Variants in NCOA1 observed in about 807,000 individuals in gnomAD.
The protein encoded by NCOA1 is nuclear receptor coactivator 1.
In NCOA1, 35 loss-of-function variants were observed where a neutral mutation model predicts 150.9. The observed-to-expected ratio is 0.23, with a 90% CI of 0.18 to 0.31. NCOA1 has a LOEUF of 0.31. Ranked by LOEUF, NCOA1 falls within the 10% of genes least tolerant of loss-of-function variation. The pLI is 1.00. For missense variants in NCOA1, 1,491 were observed against 1,749.3 expected (o/e 0.85, Z 2.63); for synonymous variants, 590 against 630.0 (o/e 0.94, Z 0.95).
intron 14 of NCOA1, 144 bp downstream of exon 14, chr2:24,711,255 T>G (rs758434341): frequency 2.6e-6 from 2 of 762,674 alleles, no homozygotes; most frequent in Non-Finnish European, 3.9e-6. Flanking sequence ...AAAACAGTTA[T>G]ATTTAGGCAT....
At chr2:24,752,573 A>T (rs1282128336) in intron 20 of NCOA1, among the ~76,000 whole-genome samples, 3 of 152,232 alleles carry the variant, frequency 2.0e-5, no homozygotes, top group Non-Finnish European at 4.4e-5. Context: ...TAACCTGAGC[A>T]CACCTGCAGA....
At chr2:24,687,431 A>G (rs1443622197) in intron 8 of NCOA1, among the ~76,000 whole-genome samples, 2 of 151,770 alleles carry the variant, frequency 1.3e-5, no homozygotes, top group African/African-American at 2.4e-5. Flanking sequence ...AACTCATGTC[A>G]TGGGGGTTTG....
intron 3 of NCOA1, among the ~76,000 whole-genome samples, chr2:24,590,915 C>T (rs1321745773): frequency 6.6e-6 from 1 of 152,116 alleles, no homozygotes; most frequent in Admixed American, 6.5e-5. Context: ...TCTCTTCTCA[C>T]TGAATTATAA....
At chr2:24,574,726 A>G (rs1666882426) in intron 2 of NCOA1, among the ~76,000 whole-genome samples, 3 of 152,078 alleles carry the variant, frequency 2.0e-5, no homozygotes, top group South Asian at 2.1e-4. Context: ...GTCTGAAAAC[A>G]TTTCCACCTT....
intron 3 of NCOA1, among the ~76,000 whole-genome samples, chr2:24,640,317 G>GTAC (rs1365672928): frequency 6.6e-6 from 1 of 152,056 alleles, no homozygotes; most frequent in African/African-American, 2.4e-5. Context: ...TGTTCTACGA[G>GTAC]TGTTCATTTA....
chr2:24,625,454 T>C (rs1490172184), intron 3 of NCOA1, among the ~76,000 whole-genome samples: 1 of 152,154 alleles, frequency 6.6e-6, no homozygotes, highest in African/African-American at 2.4e-5. Flanking sequence ...GTTGATCTTT[T>C]CAAGGAACTA....
At chr2:24,547,988 C>CAA (rs34669959) in intron 1 of NCOA1, among the ~76,000 whole-genome samples, 2,117 of 74,370 alleles carry the variant, frequency 0.028, 81 homozygotes, top group African/African-American at 0.053. Flanking sequence ...GACTCTGTCT[C>CAA]AAAAAAAAAA....
In NCOA1 at chr2:24,706,656, C is replaced by G. The variant is rs150409799; in HGVS notation, c.1186C>G (p.Pro396Ala). 4.3e-6 allele frequency: 7 copies of G among 1,614,222 alleles called. No homozygotes were observed. Among genetic ancestry groups the G allele is most frequent in the African/African-American group, 1.3e-5 (1 of 75,048 alleles). The change falls in exon 13 of 23, where the codon CCA (proline) becomes GCA (alanine). Residue 396 changes from proline to alanine, a missense_variant. Pro to Ala is a conservative substitution (Grantham distance 27). Transcript: ENST00000348332. ...VNPSVNPSIS[P>A]AHGVARSSTL... is the part of the protein sequence containing the mutation. ...TCCCTCGGTCAATCCTAGTATCTCTCCAGCTCATGGTGTGGCTCGTTCATC... is the reference window on the plus strand; with the variant it reads ...TCCCTCGGTCAATCCTAGTATCTCTGCAGCTCATGGTGTGGCTCGTTCATC...
At chr2:24,689,975 C>T (rs191711784) in intron 8 of NCOA1, among the ~76,000 whole-genome samples, 3 of 152,220 alleles carry the variant, frequency 2.0e-5, no homozygotes, top group East Asian at 3.9e-4. Flanking sequence ...CCACATTGTT[C>T]CCCCAACAGA....
At position 24,736,836 on chromosome 2, in the gene NCOA1, T is replaced by C. The variant is rs377241432; in HGVS notation, c.3202-2596T>C. 6.6e-5 allele frequency among the ~76,000 whole-genome samples: 10 copies of C among 152,304 alleles called. No individual in the cohort carries two copies. The South Asian group carries it at 2.1e-3, about 32-fold the overall frequency. On this transcript the variant is annotated intron_variant, in intron 17 of 22. Transcript: ENST00000348332. Reference sequence around the variant, plus strand: ...GTGTCAGCGAAAATGTCTTCAGATATTGCCAGATGTCCCTTGTTTGGCAGA... The same window carrying C: ...GTGTCAGCGAAAATGTCTTCAGATACTGCCAGATGTCCCTTGTTTGGCAGA...
At chr2:24,571,700 G>A (rs1666750762) in intron 2 of NCOA1, among the ~76,000 whole-genome samples, 1 of 152,102 alleles carries the variant, frequency 6.6e-6, no homozygotes. Flanking sequence ...CAGTTTTTAT[G>A]TATAATTTTG....
intron 2 of NCOA1, among the ~76,000 whole-genome samples, chr2:24,566,618 C>T (rs565311800): frequency 2.2e-4 from 34 of 152,334 alleles, no homozygotes; most frequent in East Asian, 1.5e-3. Context: ...AAGCCTTCTC[C>T]GGTTTGAAGG....
chr2:24,699,443 C>T (rs1285930300), intron 11 of NCOA1, among the ~76,000 whole-genome samples: 1 of 152,046 alleles, frequency 6.6e-6, no homozygotes, highest in Non-Finnish European at 1.5e-5. Context: ...TTATAAGTAA[C>T]TAGTTTGTCA....
intron 4 of NCOA1, among the ~76,000 whole-genome samples, chr2:24,651,417 G>C (rs1460208811): frequency 6.6e-6 from 1 of 152,062 alleles, no homozygotes; most frequent in Non-Finnish European, 1.5e-5. Context: ...AGGTGAGCCT[G>C]GAGGACATTT....
At position 24,737,110 on chromosome 2, in the gene NCOA1, TCTC is replaced by T. The variant is rs947103429; in HGVS notation, c.3202-2317_3202-2315del. Among the ~76,000 whole-genome samples the T allele has an allele frequency of 6.0e-4, 92 of 152,286 alleles. 1 individual carries two copies. The highest frequency in any genetic ancestry group is 2.1e-3 in the African/African-American group (88 of 41,552). The stretch of plus-strand genomic sequence containing the variant: ...TTTGTGTCTAAGGACTAACAACTAA[TCTC>T]CTCCCACTCCCCACCTCTCTGAAAG... On this transcript the variant is annotated intron_variant, in intron 17 of 22. Coordinates refer to ENST00000348332, the MANE Select transcript of NCOA1 (RefSeq NM_003743.5).
chr2:24,655,837 C>T (rs1046398854), intron 4 of NCOA1, among the ~76,000 whole-genome samples: 3 of 152,088 alleles, frequency 2.0e-5, no homozygotes, highest in South Asian at 4.1e-4. Context: ...GCCTGTAATC[C>T]CAGCACTTTG....
intron 4 of NCOA1, among the ~76,000 whole-genome samples, chr2:24,655,718 G>A (rs1039120805): frequency 2.6e-5 from 4 of 152,156 alleles, no homozygotes; most frequent in African/African-American, 9.7e-5. Flanking sequence ...TAGTAGTCCA[G>A]CAAAAGAGTT....
chr2:24,565,951 G>A (rs1487777778), intron 2 of NCOA1, among the ~76,000 whole-genome samples: 1 of 152,206 alleles, frequency 6.6e-6, no homozygotes, highest in Middle Eastern at 3.2e-3. Context: ...CAAAGAGGGT[G>A]TCACTGCCCT....
At chr2:24,596,960 AGC>A (rs1445993294) in intron 3 of NCOA1, among the ~76,000 whole-genome samples, 5 of 152,342 alleles carry the variant, frequency 3.3e-5, no homozygotes, top group African/African-American at 1.2e-4. Context: ...AAGATTCCTT[AGC>A]CAGTTCAGCT....
Sources: gnomAD v4.1 joint callset for allele counts (sites outside exome capture counted in the v4.1 genomes callset) on GRCh38, gnomAD v4.1.1 for gene constraint, MANE v1.5 for transcripts, NCBI Gene and HGNC (gene_info 2026-07-23, HGNC 2026-07-21) for gene names.